Variants in KIF2A observed in about 807,000 individuals in gnomAD.
KIF2A encodes the protein kinesin-like protein KIF2A.
Under a neutral mutation model 100.2 loss-of-function variants are expected in KIF2A, and 22 were observed. The observed-to-expected ratio is 0.22, with a 90% CI of 0.16 to 0.31. The LOEUF (loss-of-function observed/expected upper bound fraction) is 0.31. KIF2A is among the 10% of genes least tolerant of loss of function. KIF2A has a pLI of 1.00. For synonymous variants in KIF2A, 268 were observed against 285.9 expected (o/e 0.94, Z 0.63); for missense variants, 495 against 898.7 (o/e 0.55, Z 5.74).
At chr5:62,356,173 AC>A (rs1401654236) in intron 7 of KIF2A, among the ~76,000 whole-genome samples, 1 of 152,236 alleles carries the variant, frequency 6.6e-6, no homozygotes, top group Non-Finnish European at 1.5e-5. Context: ...TGTGTTAGTT[AC>A]AAAAAAGACA....
chr5:62,372,664 C>T (rs1469747462), intron 17 of KIF2A, 113 bp downstream of exon 17: 7 of 610,392 alleles, frequency 1.1e-5, no homozygotes, highest in African/African-American at 9.4e-5. Flanking sequence ...TTTTCATTGT[C>T]ATTTCATTTG....
At chr5:62,342,544 G>A (rs1223673701) in intron 1 of KIF2A, among the ~76,000 whole-genome samples, 1 of 152,034 alleles carries the variant, frequency 6.6e-6, no homozygotes, top group Non-Finnish European at 1.5e-5. Flanking sequence ...GCATGGCATG[G>A]GTAATAGGAC....
chr5:62,352,152 C>A (rs928074139), intron 4 of KIF2A, among the ~76,000 whole-genome samples: 427 of 118,510 alleles, frequency 3.6e-3, no homozygotes, highest in Admixed American at 3.9e-3. Flanking sequence ...GACTTCATCT[C>A]AAAAAAAAAA....
chr5:62,313,599 C>G (rs887475491), intron 1 of KIF2A, among the ~76,000 whole-genome samples: 3 of 152,060 alleles, frequency 2.0e-5, no homozygotes, highest in African/African-American at 7.3e-5. Context: ...GTGGTCCACC[C>G]ACCTCAGCCT....
intron 7 of KIF2A, 35 bp downstream of exon 7, chr5:62,355,289 T>C (rs768072308): frequency 9.5e-7 from 1 of 1,050,496 alleles, no homozygotes; most frequent in South Asian, 1.4e-5. Flanking sequence ...TCTGGAACTT[T>C]TTATGCTTCA....
rs574120478 is a variant in KIF2A, at chr5:62,336,076, C to T, written c.65-11054C>T. On this transcript the variant is annotated intron_variant, in intron 1 of 20. Coordinates refer to ENST00000407818, the MANE Select transcript of KIF2A (RefSeq NM_001098511.3). The stretch of plus-strand genomic sequence containing the variant: ...TTCATGTATTGGCATCCTTCTGTCC[C>T]AAACACATAAGAGGAAACCAAAAAG... Among the ~76,000 whole-genome samples, 3 of 152,170 alleles carry T rather than the reference C, an allele frequency of 2.0e-5. No homozygotes were observed. In the East Asian group the frequency reaches 5.8e-4, roughly 29 times the overall value.
intron 1 of KIF2A, among the ~76,000 whole-genome samples, chr5:62,341,541 A>C (rs955649131): frequency 1.3e-5 from 2 of 152,094 alleles, no homozygotes; most frequent in Non-Finnish European, 2.9e-5. Context: ...GGCTCAAGCC[A>C]TCCTCCTGCT....
At chr5:62,385,360 C>T (rs1351971242) in intron 20 of KIF2A, 124 bp from the exon 21 acceptor site, 1 of 645,340 alleles carries the variant, frequency 1.5e-6, no homozygotes, top group Non-Finnish European at 2.6e-6. Context: ...CAACAAAGAA[C>T]AAAAGGAAAA....
intron 9 of KIF2A, 144 bp from the exon 10 acceptor site, chr5:62,361,095 ATTG>A (rs1254871615): frequency 8.1e-6 from 4 of 494,918 alleles, no homozygotes; most frequent in East Asian, 3.1e-5. Context: ...ATTCTTCGAT[ATTG>A]TTATTTAAAA....
At position 62,389,115 on chromosome 5, in the gene KIF2A, T is replaced by C. The variant is rs1202339421; in HGVS notation, c.*3546T>C. The C allele has an allele frequency of 2.2e-6, 3 of 1,362,176 alleles. No individual in the cohort carries two copies. The highest frequency in any genetic ancestry group is 2.1e-6 in the Non-Finnish European group (2 of 962,860). The allele number at this position is 1,362,176 out of a possible 1,614,324, so 84.4% of individuals were successfully genotyped here. ...CTAATTTGTAGCACATAACGGTATA[T>C]AGTTCTATACCATTAATACTAAAAC... On this transcript the variant is annotated 3_prime_UTR_variant, in exon 21 of 21. Coordinates refer to ENST00000407818, the MANE Select transcript of KIF2A (RefSeq NM_001098511.3).
intron 1 of KIF2A, among the ~76,000 whole-genome samples, chr5:62,339,115 C>T (rs1421224376): frequency 6.6e-6 from 1 of 152,186 alleles, no homozygotes; most frequent in Admixed American, 6.5e-5. Flanking sequence ...GTTTAATTGG[C>T]TTGCAGGTCT....
chr5:62,362,624 G>C, intron 12 of KIF2A, 83 bp downstream of exon 12: 2 of 550,274 alleles, frequency 3.6e-6, no homozygotes, highest in Non-Finnish European at 5.9e-6. Context: ...TTTAAGTTCA[G>C]TGGCATTAAA....
At chr5:62,350,205 T>C in intron 4 of KIF2A, 85 bp downstream of exon 4, 1 of 706,382 alleles carries the variant, frequency 1.4e-6, no homozygotes, top group East Asian at 3.0e-5. Flanking sequence ...AACATTACCC[T>C]TGATGTTGGT....
intron 20 of KIF2A, among the ~76,000 whole-genome samples, chr5:62,385,130 AG>A (rs5868309): frequency 0.49 from 73,732 of 151,310 alleles, 18,935 homozygotes; most frequent in African/African-American, 0.64. Context: ...TGACAGAGTG[AG>A]GACTCCATCT....
intron 7 of KIF2A, among the ~76,000 whole-genome samples, chr5:62,357,197 C>T (rs1748157519): frequency 6.6e-6 from 1 of 151,956 alleles, no homozygotes; most frequent in Non-Finnish European, 1.5e-5. Flanking sequence ...GATTCTCCCA[C>T]ATCAGCCTCC....
At chr5:62,332,232 C>T (rs955799352) in intron 1 of KIF2A, among the ~76,000 whole-genome samples, 3 of 152,142 alleles carry the variant, frequency 2.0e-5, no homozygotes, top group South Asian at 4.1e-4. Flanking sequence ...GCACTAATAC[C>T]AGATCTTAAG....
At chr5:62,310,156 C>T (rs908118627) in intron 1 of KIF2A, among the ~76,000 whole-genome samples, 3 of 149,326 alleles carry the variant, frequency 2.0e-5, no homozygotes, top group Admixed American at 6.7e-5. Context: ...CAGGTTCAAG[C>T]GATTCTTATG....
chr5:62,328,598 T>C lies in KIF2A; in HGVS notation c.65-18532T>C, dbSNP rs571750384. ...CCACTGCCTCCGGGGTTCAAGTGAT[T>C]CTCCTGCCTCAGCCTCCCAGGTAGC... On this transcript the variant is annotated intron_variant, in intron 1 of 20. Transcript: ENST00000407818. Among the ~76,000 whole-genome samples the C allele has an allele frequency of 5.3e-5, 8 of 152,258 alleles. No homozygotes were observed. The East Asian group carries it at 9.6e-4, about 18-fold the overall frequency.
intron 1 of KIF2A, among the ~76,000 whole-genome samples, chr5:62,339,124 C>A (rs979719632): frequency 1.3e-5 from 2 of 152,176 alleles, no homozygotes; most frequent in Non-Finnish European, 2.9e-5. Flanking sequence ...GCTTGCAGGT[C>A]TGCAGGCTTT....
Sources: allele counts gnomAD v4.1 joint callset (sites outside exome capture counted in the v4.1 genomes callset), GRCh38; gene constraint gnomAD v4.1.1; transcripts MANE v1.5; gene names NCBI Gene and HGNC (gene_info 2026-07-23, HGNC 2026-07-21).